Variants in GDA observed in about 807,000 individuals in gnomAD.
The protein encoded by GDA is cytoplasmic PSD-95 interactor.
GDA carries 18 observed loss-of-function variants against 59.6 expected under a neutral mutation model. The observed-to-expected ratio is 0.30, with a 90% CI of 0.21 to 0.45. GDA has a LOEUF of 0.45. Ranked by LOEUF, GDA falls within the 20% of genes least tolerant of loss-of-function variation. The pLI is 1.00. For missense variants in GDA, 427 were observed against 552.3 expected (o/e 0.77, Z 2.27); for synonymous variants, 201 against 201.1 (o/e 1.00, Z 0.00).
intron 1 of GDA, among the ~76,000 whole-genome samples, chr9:72,179,530 C>G (rs1385073199): frequency 1.3e-5 from 2 of 152,134 alleles, no homozygotes; most frequent in African/African-American, 4.8e-5. Context: ...TTCAAACTAT[C>G]TCAGATGAAG....
At chr9:72,168,291 G>A (rs912655860) in intron 1 of GDA, among the ~76,000 whole-genome samples, 3 of 151,900 alleles carry the variant, frequency 2.0e-5, no homozygotes, top group Non-Finnish European at 4.4e-5. Context: ...TCCCAGCTAC[G>A]CAGGAGGCTT....
intron 3 of GDA, 151 bp downstream of exon 3, chr9:72,202,893 T>TTTTAA: frequency 2.1e-6 from 1 of 465,946 alleles, no homozygotes. Flanking sequence ...GTCCAGTGAG[T>TTTTAA]TTGTGACCAC....
At chr9:72,133,976 T>G (rs1041020156) in intron 1 of GDA, among the ~76,000 whole-genome samples, 3 of 152,242 alleles carry the variant, frequency 2.0e-5, no homozygotes, top group African/African-American at 7.2e-5. Context: ...GAACTCTCCC[T>G]GTGTTTCTCA....
At chr9:72,195,691 T>A (rs890507650) in intron 2 of GDA, 103 bp downstream of exon 2, 1 of 406,656 alleles carries the variant, frequency 2.5e-6, no homozygotes, top group Non-Finnish European at 4.5e-6. Context: ...AATATTAATT[T>A]AACAATAATT....
rs1564168629 is a variant in GDA at position 72,236,774 on chromosome 9, C to CTTTTTTTTTTTTTTTTTTTT, written c.989-4377_989-4376insTTTTTTTTTTTTTTTTTTTT. On this transcript the variant is annotated intron_variant, in intron 10 of 13. Transcript: ENST00000358399. ...TTTAAGCAAAGAAACAAAACCACTC[C>CTTTTTTTTTTTTTTTTTTTT]TATTTTTTTTTTTTTTTTTTTTTGA... Among the ~76,000 whole-genome samples, 6 of 127,594 alleles carry CTTTTTTTTTTTTTTTTTTTT rather than the reference C, an allele frequency of 4.7e-5. 1 individual carries two copies. Among genetic ancestry groups the CTTTTTTTTTTTTTTTTTTTT allele is most frequent in the African/African-American group, 8.5e-5 (3 of 35,450 alleles). The allele number at this position is 127,594 out of a possible 152,430, so 83.7% of individuals were successfully genotyped here.
intron 12 of GDA, among the ~76,000 whole-genome samples, chr9:72,245,698 G>A (rs1489050956): frequency 2.0e-5 from 3 of 152,168 alleles, no homozygotes; most frequent in East Asian, 3.9e-4. Context: ...AGTGATTTAC[G>A]TAAAGACTCA....
intron 1 of GDA, among the ~76,000 whole-genome samples, chr9:72,167,691 A>G (rs1829484164): frequency 6.6e-6 from 1 of 152,166 alleles, no homozygotes; most frequent in African/African-American, 2.4e-5. Context: ...GATAATTTGT[A>G]ATTTTGTGGA....
At position 72,250,301 on chromosome 9, in the gene GDA, T is replaced by C; in HGVS notation, c.*1959T>C. ...GCAAGATCCTACACTTTTACCTTCT[T>C]TAAGGGTGTACATTTTGATGTTGAA... On this transcript the variant is annotated 3_prime_UTR_variant, in exon 14 of 14. Coordinates refer to ENST00000358399, the MANE Select transcript of GDA (RefSeq NM_004293.5). The C allele has an allele frequency of 7.8e-6, 8 of 1,024,768 alleles. No homozygotes were observed. The highest frequency in any genetic ancestry group is 9.4e-6 in the Non-Finnish European group (8 of 855,580). The allele number at this position is 1,024,768 out of a possible 1,614,324, so 63.5% of individuals were successfully genotyped here.
downstream of GDA, among the ~76,000 whole-genome samples, chr9:72,255,209 A>C (rs556512623): frequency 6.6e-6 from 1 of 152,228 alleles, no homozygotes; most frequent in African/African-American, 2.4e-5. Context: ...CCTGCTTTCA[A>C]TTACATGCAA....
chr9:72,243,165 C>T (rs185767538), intron 11 of GDA, among the ~76,000 whole-genome samples: 12 of 152,316 alleles, frequency 7.9e-5, no homozygotes, highest in Admixed American at 7.2e-4. Context: ...AAATGATCTT[C>T]ACAGAACCAA....
chr9:72,207,923 A>T (rs1834914438), intron 3 of GDA, among the ~76,000 whole-genome samples: 2 of 152,194 alleles, frequency 1.3e-5, no homozygotes, highest in East Asian at 1.9e-4. Context: ...CAGCCTGGGC[A>T]ACATAGCAAG....
At chr9:72,170,814 C>T (rs1563927625) in intron 1 of GDA, among the ~76,000 whole-genome samples, 1 of 129,708 alleles carries the variant, frequency 7.7e-6, no homozygotes, top group Non-Finnish European at 1.8e-5. Flanking sequence ...CAATGAATTA[C>T]TATTATTGTT....
intron 3 of GDA, among the ~76,000 whole-genome samples, chr9:72,207,843 C>T (rs562295257): frequency 2.0e-5 from 3 of 152,216 alleles, no homozygotes; most frequent in Admixed American, 1.3e-4. Flanking sequence ...TGTGGTGGCT[C>T]ATGCCTATAA....
upstream of GDA, chr9:72,149,351 A>G (rs981495697): frequency 1.3e-4 from 72 of 549,646 alleles, no homozygotes; most frequent in Non-Finnish European, 2.2e-4. Flanking sequence ...AACTCGCGGG[A>G]GAAAAATCCT....
intron 1 of GDA, among the ~76,000 whole-genome samples, chr9:72,134,170 C>T (rs1826138116): frequency 6.6e-6 from 1 of 151,994 alleles, no homozygotes; most frequent in Non-Finnish European, 1.5e-5. Flanking sequence ...AAATAAAAGA[C>T]CAAATAGTGC....
At chr9:72,200,172 AT>A (rs1833784753) in intron 2 of GDA, among the ~76,000 whole-genome samples, 1 of 151,254 alleles carries the variant, frequency 6.6e-6, no homozygotes, top group Non-Finnish European at 1.5e-5. Context: ...TAATTTTTGT[AT>A]TTTTAGTAGA....
chr9:72,230,465 T>A (rs1345346633), intron 9 of GDA, among the ~76,000 whole-genome samples: 2 of 149,438 alleles, frequency 1.3e-5, no homozygotes, highest in Non-Finnish European at 3.0e-5. Context: ...TACTCCAGCC[T>A]GGATGACAGA....
At chr9:72,214,739 C>A (rs750211573) in intron 5 of GDA, 1 of 302,394 alleles carries the variant, frequency 3.3e-6, no homozygotes, top group South Asian at 2.7e-5. Flanking sequence ...TTTTTCTTTT[C>A]TTTTCTTTTT....
chr9:72,175,969 T>C (rs1830501072), intron 1 of GDA, among the ~76,000 whole-genome samples: 1 of 152,144 alleles, frequency 6.6e-6, no homozygotes, highest in South Asian at 2.1e-4. Flanking sequence ...GTATAACAAA[T>C]TACCCCAAAA....
Sources: gnomAD v4.1 joint callset for allele counts (sites outside exome capture counted in the v4.1 genomes callset) on GRCh38, gnomAD v4.1.1 for gene constraint, MANE v1.5 for transcripts, NCBI Gene and HGNC (gene_info 2026-07-23, HGNC 2026-07-21) for gene names.